The following TNFSF4 variants were observed in gnomAD, a reference collection of about 807,000 sequenced individuals.
The protein encoded by TNFSF4 is TNF superfamily member 4.
TNFSF4 carries 4 observed loss-of-function variants against 7.3 expected under a neutral mutation model. That is an observed-to-expected ratio of 0.55 (90% CI 0.27 to 1.25). The LOEUF is 1.25. Among genes scored for constraint, TNFSF4 ranks in the 50% most tolerant of loss-of-function variants. TNFSF4 has a pLI of 0.12. For synonymous variants in TNFSF4, 76 were observed against 83.7 expected (o/e 0.91, Z 0.50); for missense variants, 181 against 208.8 (o/e 0.87, Z 0.82).
At chr1:173,343,080 T>G in the TNFSF4 span, among the ~76,000 whole-genome samples, 1 of 152,214 alleles carries the variant, frequency 6.6e-6, no homozygotes, top group Non-Finnish European at 1.5e-5. Context: ...ATCCTTGCCT[T>G]TGCATTCCTA....
chr1:173,190,867 G>A (rs959538759), intron 1 of TNFSF4, among the ~76,000 whole-genome samples: 1 of 152,174 alleles, frequency 6.6e-6, no homozygotes, highest in African/African-American at 2.4e-5. Flanking sequence ...GCCAACTTAA[G>A]CAAGTTTCAT....
the TNFSF4 span, among the ~76,000 whole-genome samples, chr1:173,337,137 T>A: frequency 6.6e-6 from 1 of 152,142 alleles, no homozygotes; most frequent in Non-Finnish European, 1.5e-5. Context: ...GTTTGGAGAT[T>A]TGGCAGGCTC....
intron 1 of TNFSF4, among the ~76,000 whole-genome samples, chr1:173,199,232 G>A (rs78070827): frequency 1.9e-3 from 285 of 152,338 alleles, no homozygotes; most frequent in African/African-American, 6.6e-3. Flanking sequence ...GGTAACTGAT[G>A]CTCCATAAAC....
At chr1:173,238,073 G>T in the TNFSF4 span, among the ~76,000 whole-genome samples, 1 of 152,076 alleles carries the variant, frequency 6.6e-6, no homozygotes, top group Non-Finnish European at 1.5e-5. Flanking sequence ...TAGAACAATG[G>T]AACAGAATAG....
chr1:173,321,598 A>G, the TNFSF4 span, among the ~76,000 whole-genome samples: 2 of 152,078 alleles, frequency 1.3e-5, no homozygotes, highest in African/African-American at 2.4e-5. Context: ...GGTCTAATAT[A>G]CAGAATCTAC....
Position 173,204,924 on chromosome 1 carries a change from A to AAC in TNFSF4, c.153+2098_153+2099dup, listed in dbSNP as rs143657529. On this transcript the variant is annotated intron_variant, in intron 1 of 2. Coordinates refer to ENST00000281834, the MANE Select transcript of TNFSF4 (RefSeq NM_003326.5). ...AGAAACACACACACACACACACACAAACACACACACACACACACTGCTGCT... is the reference window on the plus strand; with the variant it reads ...AGAAACACACACACACACACACACAAACACACACACACACACACACTGCTGCT... Among the ~76,000 whole-genome samples, 193 of 131,694 alleles carry AAC rather than the reference A, an allele frequency of 1.5e-3. 1 individual carries two copies. Among genetic ancestry groups the AAC allele is most frequent in the African/African-American group, 2.0e-3 (77 of 39,214 alleles). The allele number at this position is 131,694 out of a possible 152,430, so 86.4% of individuals were successfully genotyped here.
chr1:173,325,277 T>G, the TNFSF4 span, among the ~76,000 whole-genome samples: 1 of 151,818 alleles, frequency 6.6e-6, no homozygotes, highest in African/African-American at 2.4e-5. Flanking sequence ...GGGTACATAA[T>G]GAAATGAAGG....
At chr1:173,419,579 T>C in the TNFSF4 span, among the ~76,000 whole-genome samples, 3 of 151,972 alleles carry the variant, frequency 2.0e-5, no homozygotes, top group Admixed American at 6.6e-5. Context: ...CAGGCATGAT[T>C]TGGGGTACAG....
At chr1:173,448,606 G>A in the TNFSF4 span, among the ~76,000 whole-genome samples, 7 of 152,148 alleles carry the variant, frequency 4.6e-5, no homozygotes, top group African/African-American at 1.7e-4. Context: ...TCTAGCGGAT[G>A]GGAGTGGGGG....
chr1:173,257,008 T>G, the TNFSF4 span, among the ~76,000 whole-genome samples: 14 of 152,352 alleles, frequency 9.2e-5, no homozygotes, highest in East Asian at 2.5e-3. Context: ...TGAATGCCTA[T>G]TCCTTCTTCA....
chr1:173,253,215 T>A, the TNFSF4 span, among the ~76,000 whole-genome samples: 3 of 152,196 alleles, frequency 2.0e-5, no homozygotes, highest in Non-Finnish European at 1.5e-5. Flanking sequence ...TACTTGTATA[T>A]TAGTCATAAC....
the TNFSF4 span, among the ~76,000 whole-genome samples, chr1:173,426,141 C>T: frequency 6.6e-6 from 1 of 152,198 alleles, no homozygotes. Context: ...GTGGCGTCAA[C>T]TCTAACGTTC....
the TNFSF4 span, among the ~76,000 whole-genome samples, chr1:173,256,390 G>A: frequency 3.3e-5 from 5 of 152,050 alleles, no homozygotes; most frequent in East Asian, 9.7e-4. Flanking sequence ...GATCTCACAT[G>A]GCAGAGAGAC....
At chr1:173,248,506 AAG>A in the TNFSF4 span, among the ~76,000 whole-genome samples, 2 of 151,926 alleles carry the variant, frequency 1.3e-5, no homozygotes, top group East Asian at 3.9e-4. Flanking sequence ...GAAAGAAAGA[AAG>A]AAAGAGAAAG....
At chr1:173,432,971 A>G in the TNFSF4 span, among the ~76,000 whole-genome samples, 25 of 152,342 alleles carry the variant, frequency 1.6e-4, no homozygotes, top group Non-Finnish European at 2.8e-4. Context: ...TAAAATGTGA[A>G]AATATGTATG....
At chr1:173,413,235 A>G in the TNFSF4 span, among the ~76,000 whole-genome samples, 1 of 152,196 alleles carries the variant, frequency 6.6e-6, no homozygotes, top group African/African-American at 2.4e-5. Flanking sequence ...AGACAGAGAG[A>G]CAGGGGCAGA....
At chr1:173,205,046 T>C (rs953878220) in intron 1 of TNFSF4, among the ~76,000 whole-genome samples, 3 of 152,060 alleles carry the variant, frequency 2.0e-5, no homozygotes, top group African/African-American at 7.2e-5. Flanking sequence ...GTGTAAATAA[T>C]AAATATAAGA....
At chr1:173,281,163 G>A in the TNFSF4 span, among the ~76,000 whole-genome samples, 3 of 151,814 alleles carry the variant, frequency 2.0e-5, no homozygotes, top group Non-Finnish European at 2.9e-5. Context: ...TGGGAGGCAC[G>A]TCTCACACAA....
chr1:173,391,618 C>G, the TNFSF4 span, among the ~76,000 whole-genome samples: 14 of 152,158 alleles, frequency 9.2e-5, no homozygotes, highest in East Asian at 1.9e-4. Context: ...CCTCCCACCC[C>G]CTGAGAAAGT....
Sources: gnomAD v4.1 joint callset for allele counts (sites outside exome capture counted in the v4.1 genomes callset) on GRCh38, gnomAD v4.1.1 for gene constraint, MANE v1.5 for transcripts, NCBI Gene and HGNC (gene_info 2026-07-23, HGNC 2026-07-21) for gene names.